Variants in NSMCE2 observed in about 807,000 individuals in gnomAD.
The protein encoded by NSMCE2 is NSE2 SUMO ligase component of SMC5/6 complex, also known as E3 SUMO-protein ligase NSE2.
In NSMCE2, 24 loss-of-function variants were observed where a neutral mutation model predicts 23.8. The observed-to-expected ratio is 1.01, with a 90% CI of 0.73 to 1.42. NSMCE2 has a LOEUF of 1.42. Ranked by LOEUF, NSMCE2 falls within the 40% of genes most tolerant of loss-of-function variation. NSMCE2 has a pLI of 0.00. For synonymous variants in NSMCE2, 92 were observed against 94.1 expected (o/e 0.98, Z 0.13); for missense variants, 284 against 296.5 (o/e 0.96, Z 0.31).
intron 5 of NSMCE2, among the ~76,000 whole-genome samples, chr8:125,264,489 C>A (rs1405252839): frequency 6.6e-6 from 1 of 152,202 alleles, no homozygotes; most frequent in African/African-American, 2.4e-5. Context: ...TTACTGCAGT[C>A]TCTGCCTCCT....
intron 5 of NSMCE2, among the ~76,000 whole-genome samples, chr8:125,201,883 C>T (rs1013768750): frequency 3.9e-5 from 6 of 152,228 alleles, no homozygotes; most frequent in African/African-American, 1.2e-4. Context: ...TGTTTACCTA[C>T]TCAAGCCTTA....
At chr8:125,330,180 T>C (rs1276088018) in intron 5 of NSMCE2, among the ~76,000 whole-genome samples, 1 of 111,116 alleles carries the variant, frequency 9.0e-6, no homozygotes, top group Non-Finnish European at 1.7e-5. Flanking sequence ...CTTTTTTCTT[T>C]CTTTTTTTTT....
rs183687521 is a variant in NSMCE2, at chr8:125,111,571, G to T, written c.157+9084G>T. Among the ~76,000 whole-genome samples, 1,251 of 152,214 alleles carry T rather than the reference G, an allele frequency of 8.2e-3. 20 individuals carry two copies. The highest frequency in any genetic ancestry group is 0.029 in the African/African-American group (1,189 of 41,536). ...TCCCAGCACTTTGGGAGGCCGAGGCGGGCGGATCACTTGAGGTCAGGAGTT... is the reference window on the plus strand; with the variant it reads ...TCCCAGCACTTTGGGAGGCCGAGGCTGGCGGATCACTTGAGGTCAGGAGTT... On this transcript the variant is annotated intron_variant, in intron 3 of 7. Coordinates refer to ENST00000287437, the MANE Select transcript of NSMCE2 (RefSeq NM_173685.4).
intron 5 of NSMCE2, among the ~76,000 whole-genome samples, chr8:125,320,935 T>TG (rs1411185861): frequency 6.6e-6 from 1 of 152,152 alleles, no homozygotes; most frequent in Non-Finnish European, 1.5e-5. Flanking sequence ...CTGTAAATCA[T>TG]GGCAGAAGGC....
intron 5 of NSMCE2, among the ~76,000 whole-genome samples, chr8:125,230,199 C>T (rs1280885537): frequency 6.6e-6 from 1 of 152,150 alleles, no homozygotes; most frequent in Non-Finnish European, 1.5e-5. Context: ...GAGATTCATC[C>T]AGATATCAGA....
chr8:125,219,368 G>A (rs1305560050), intron 5 of NSMCE2, among the ~76,000 whole-genome samples: 1 of 152,072 alleles, frequency 6.6e-6, no homozygotes, highest in East Asian at 1.9e-4. Context: ...TTCTTGTTGG[G>A]CTAAATTTAC....
At chr8:125,182,297 T>G in intron 5 of NSMCE2, 41 bp downstream of exon 5, 1 of 1,507,998 alleles carries the variant, frequency 6.6e-7, no homozygotes, top group East Asian at 2.3e-5. Context: ...TTTTTGAAAT[T>G]AGGGAACTGA....
chr8:125,356,235 TG>T (rs140283424), intron 5 of NSMCE2, among the ~76,000 whole-genome samples: 12,887 of 148,366 alleles, frequency 0.087, 678 homozygotes, highest in South Asian at 0.16. Flanking sequence ...TCTGTGTGTA[TG>T]GGGGGGGGTG....
chr8:125,274,868 T>C (rs1347951487), intron 5 of NSMCE2, among the ~76,000 whole-genome samples: 1 of 149,098 alleles, frequency 6.7e-6, no homozygotes, highest in Admixed American at 6.7e-5. Context: ...AGGCGGAGGT[T>C]GCAGTGAGCC....
chr8:125,230,299 AC>A (rs77803280), intron 5 of NSMCE2, among the ~76,000 whole-genome samples: 20,878 of 152,098 alleles, frequency 0.14, 2,351 homozygotes, highest in African/African-American at 0.31. Flanking sequence ...CTGAACTAAT[AC>A]CCTATAAAGC....
At chr8:125,228,281 C>T (rs1825182620) in intron 5 of NSMCE2, among the ~76,000 whole-genome samples, 1 of 152,066 alleles carries the variant, frequency 6.6e-6, no homozygotes, top group Non-Finnish European at 1.5e-5. Flanking sequence ...TGCATTTATT[C>T]ATTCAGTCAG....
intron 5 of NSMCE2, among the ~76,000 whole-genome samples, chr8:125,236,486 A>T (rs1337318534): frequency 6.6e-6 from 1 of 152,014 alleles, no homozygotes; most frequent in African/African-American, 2.4e-5. Context: ...ATATAAATTT[A>T]TGTGTATATA....
At chr8:125,151,091 T>G (rs1820994439) in intron 3 of NSMCE2, 80 bp from the exon 4 acceptor site, 1 of 650,082 alleles carries the variant, frequency 1.5e-6, no homozygotes, top group Non-Finnish European at 2.8e-6. Flanking sequence ...CATTGACTGA[T>G]GTAGATTGTA....
At chr8:125,330,476 C>G (rs996671652) in intron 5 of NSMCE2, among the ~76,000 whole-genome samples, 7 of 151,786 alleles carry the variant, frequency 4.6e-5, no homozygotes, top group Admixed American at 1.3e-4. Flanking sequence ...ATGCCCAGCC[C>G]CCAGAACTAG....
intron 4 of NSMCE2, among the ~76,000 whole-genome samples, chr8:125,163,948 T>C (rs917375435): frequency 6.6e-6 from 1 of 152,238 alleles, no homozygotes; most frequent in African/African-American, 2.4e-5. Context: ...AGCCCACTTG[T>C]AGTATGAATA....
intron 3 of NSMCE2, among the ~76,000 whole-genome samples, chr8:125,107,855 C>T (rs1031188259): frequency 6.6e-6 from 1 of 151,930 alleles, no homozygotes; most frequent in African/African-American, 2.4e-5. Context: ...AGCAACATGG[C>T]AAACCCTGTC....
intron 5 of NSMCE2, among the ~76,000 whole-genome samples, chr8:125,196,073 G>A (rs1428894087): frequency 6.6e-6 from 1 of 151,228 alleles, no homozygotes; most frequent in Non-Finnish European, 1.5e-5. Context: ...TGGAGACTGG[G>A]TTTCACCGTG....
In NSMCE2 at chr8:125,283,924, T is replaced by C. The variant is rs903445399; in HGVS notation, c.419-73295T>C. 6.6e-5 allele frequency among the ~76,000 whole-genome samples: 10 copies of C among 152,176 alleles called. 1 individual carries two copies. In the South Asian group the frequency reaches 1.0e-3, roughly 16 times the overall value. The stretch of plus-strand genomic sequence containing the variant: ...ATCCCAGCATTTTGGGAGGCCAAGG[T>C]GGGCAGATCACAAGGTCAGGAGATG... On this transcript the variant is annotated intron_variant, in intron 5 of 7. Transcript: ENST00000287437.
At chr8:125,204,738 C>T (rs1192501199) in intron 5 of NSMCE2, among the ~76,000 whole-genome samples, 1 of 152,102 alleles carries the variant, frequency 6.6e-6, no homozygotes, top group African/African-American at 2.4e-5. Context: ...CTGTCTAGTC[C>T]CATTCCTAAA....
Sources: allele counts gnomAD v4.1 joint callset (sites outside exome capture counted in the v4.1 genomes callset), GRCh38; gene constraint gnomAD v4.1.1; transcripts MANE v1.5; gene names NCBI Gene and HGNC (gene_info 2026-07-23, HGNC 2026-07-21).